The following KCNT2 variants were observed in gnomAD, a reference collection of about 807,000 sequenced individuals.
The protein encoded by KCNT2 is potassium sodium-activated channel subfamily T member 2, also known as potassium channel subfamily T member 2.
KCNT2 carries 67 observed loss-of-function variants against 153.8 expected under a neutral mutation model. That is an observed-to-expected ratio of 0.44 (90% CI 0.36 to 0.53). The LOEUF (loss-of-function observed/expected upper bound fraction) is 0.53, where lower values mean the gene tolerates loss of function less well. Among genes scored for constraint, KCNT2 ranks in the 20% least tolerant of loss-of-function variants. The probability of loss-of-function intolerance (pLI) is 0.00; values close to 1 mark genes in which losing one functional copy is unlikely to be tolerated. For synonymous variants in KCNT2, 500 were observed against 458.8 expected, an observed-to-expected ratio of 1.09 and a Z score of -1.15; for missense variants, 975 against 1,354.8, an observed-to-expected ratio of 0.72 and a Z score of 4.40.
At chr1:196,592,374 G>A (rs951861262) in intron 1 of KCNT2, among the ~76,000 whole-genome samples, 9 of 150,866 alleles carry the variant, frequency 6.0e-5, no homozygotes, top group Non-Finnish European at 1.0e-4. Context: ...GGGGGTGTTG[G>A]GAGAGGAGGT....
In KCNT2 at chr1:196,364,247, A is replaced by T. The variant is rs114976859; in HGVS notation, c.1403+8893T>A. ...ATGTGTGAACTCTACTGGTTTTCCA[A>T]ATTTTGTGTAAGTTTAAAATTGGTT... On this transcript the variant is annotated intron_variant, in intron 14 of 27. Transcript: ENST00000294725. Among the ~76,000 whole-genome samples, 644 of 152,260 alleles carry T rather than the reference A, an allele frequency of 4.2e-3. 5 individuals carry two copies. Among genetic ancestry groups the T allele is most frequent in the African/African-American group, 0.015 (624 of 41,568 alleles).
At chr1:196,513,133 C>T (rs915840629) in intron 1 of KCNT2, among the ~76,000 whole-genome samples, 1 of 152,154 alleles carries the variant, frequency 6.6e-6, no homozygotes, top group Non-Finnish European at 1.5e-5. Context: ...TTTTAAGTCA[C>T]AGTAAAGTTT....
chr1:196,388,703 A>G (rs1296882444), intron 13 of KCNT2, among the ~76,000 whole-genome samples: 1 of 151,730 alleles, frequency 6.6e-6, no homozygotes, highest in Non-Finnish European at 1.5e-5. Flanking sequence ...TTACAAGCAT[A>G]GAAAAATAAA....
At chr1:196,317,593 C>T (rs551407797) in intron 20 of KCNT2, among the ~76,000 whole-genome samples, 1 of 151,722 alleles carries the variant, frequency 6.6e-6, no homozygotes, top group South Asian at 2.1e-4. Context: ...ATTAATAAAA[C>T]ATCTCCATTA....
At chr1:196,465,248 T>A (rs1206195812) in intron 8 of KCNT2, 45 bp downstream of exon 8, 1 of 1,013,528 alleles carries the variant, frequency 9.9e-7, no homozygotes, top group Non-Finnish European at 1.5e-6. Flanking sequence ...TTAGAAATTA[T>A]AATTAAATGA....
At chr1:196,345,520 A>C (rs1666068266) in intron 14 of KCNT2, among the ~76,000 whole-genome samples, 1 of 152,170 alleles carries the variant, frequency 6.6e-6, no homozygotes, top group South Asian at 2.1e-4. Flanking sequence ...GACTTTATAA[A>C]TAACTGTACT....
chr1:196,363,141 C>A (rs1268496494), intron 14 of KCNT2, among the ~76,000 whole-genome samples: 1 of 152,004 alleles, frequency 6.6e-6, no homozygotes, highest in African/African-American at 2.4e-5. Flanking sequence ...AAGAGCTATG[C>A]CTTATCCCTT....
At chr1:196,451,027 C>A (rs1395668983) in intron 8 of KCNT2, among the ~76,000 whole-genome samples, 1 of 151,630 alleles carries the variant, frequency 6.6e-6, no homozygotes, top group Non-Finnish European at 1.5e-5. Flanking sequence ...GATTTATTTT[C>A]TCATTTTTTT....
At position 196,489,865 on chromosome 1, in the gene KCNT2, A is replaced by G; in HGVS notation, c.248T>C (p.Leu83Pro). ...TTCATTTCCTTGTGAAGGGTTTTCT[A>G]GTAGTACTCGGATTATGTATAATAA... is the stretch of plus-strand genomic sequence containing the variant. ...SCLLYIIRVL[L>P]ENPSQGNEWS... is the part of the protein sequence containing the mutation. The change falls in exon 3 of 28, where the codon CTA becomes CCA. Residue 83 changes from leucine (L) to proline (P), a missense_variant. Transcript: ENST00000294725. The G allele has an allele frequency of 6.3e-7, 1 of 1,585,020 alleles. No homozygotes were observed.
intron 1 of KCNT2, among the ~76,000 whole-genome samples, chr1:196,569,960 T>C (rs1336497478): frequency 2.0e-5 from 3 of 146,924 alleles, no homozygotes; most frequent in Non-Finnish European, 4.5e-5. Flanking sequence ...GGGGGAAATT[T>C]TCAACCAAGT....
chr1:196,563,866 A>G (rs1659752865), intron 1 of KCNT2, among the ~76,000 whole-genome samples: 2 of 151,968 alleles, frequency 1.3e-5, no homozygotes, highest in Admixed American at 6.6e-5. Flanking sequence ...CCTTAACACA[A>G]TAAAGGCCAT....
intron 19 of KCNT2, among the ~76,000 whole-genome samples, chr1:196,322,980 A>G (rs1017723135): frequency 6.6e-6 from 1 of 151,910 alleles, no homozygotes; most frequent in African/African-American, 2.4e-5. Context: ...TCTTCCTTTT[A>G]TGAATCAGAT....
intron 1 of KCNT2, among the ~76,000 whole-genome samples, chr1:196,534,374 T>G (rs528475751): frequency 6.6e-6 from 1 of 152,278 alleles, no homozygotes; most frequent in South Asian, 2.1e-4. Flanking sequence ...TACCTTAAAC[T>G]TGCTCATTTT....
chr1:196,326,887 A>C lies in KCNT2; in HGVS notation c.2106T>G (p.Ser702Arg), dbSNP rs555172269. The change falls in exon 19 of 28, where the codon AGT (serine) becomes AGG (arginine). Residue 702 changes from serine to arginine, a missense_variant and splice_region_variant. Physicochemically the swap from Ser to Arg is moderately radical, Grantham distance 110. Around this residue, in one of 6 missense-constraint regions of KCNT2, gnomAD observed 325 missense variants for 388.1 expected, o/e 0.84. Transcript: ENST00000294725. ...CATCCTCATAGTAGTTATGTTGGCA[A>C]CTCTAGAGAAGAGAAAGTATACATT... ...VPFCCLRLDK[S>R]CQHNYYEDAK... 28 of 1,543,792 alleles carry C rather than the reference A, an allele frequency of 1.8e-5. No homozygotes were observed. In the African/African-American group the frequency reaches 3.4e-4, roughly 19 times the overall value.
chr1:196,416,580 A>AGTTTTTCCAACT (rs1420028795), intron 12 of KCNT2, among the ~76,000 whole-genome samples: 1 of 152,018 alleles, frequency 6.6e-6, no homozygotes, highest in Non-Finnish European at 1.5e-5. Context: ...TTCACTAAAC[A>AGTTTTTCCAACT]GTTTTTCCAA....
chr1:196,237,912 G>A (rs1219604706), intron 26 of KCNT2, among the ~76,000 whole-genome samples: 2 of 151,712 alleles, frequency 1.3e-5, no homozygotes, highest in Non-Finnish European at 2.9e-5. Context: ...TTCTCCATAA[G>A]AAAAGAAATT....
At chr1:196,589,787 C>T (rs1663121394) in intron 1 of KCNT2, among the ~76,000 whole-genome samples, 1 of 150,352 alleles carries the variant, frequency 6.7e-6, no homozygotes, top group Admixed American at 6.8e-5. Context: ...GTCTATCATA[C>T]TCATCCCATT....
intron 22 of KCNT2, among the ~76,000 whole-genome samples, 198 bp from the exon 23 acceptor site, chr1:196,285,956 C>A (rs1490821351): frequency 6.6e-6 from 1 of 151,920 alleles, no homozygotes; most frequent in South Asian, 2.1e-4. Flanking sequence ...GTTAAAACAC[C>A]CAATAGTGAA....
At chr1:196,524,757 T>C (rs1653951636) in intron 1 of KCNT2, among the ~76,000 whole-genome samples, 1 of 152,322 alleles carries the variant, frequency 6.6e-6, no homozygotes, top group Middle Eastern at 3.4e-3. Context: ...ATTTGGGTTA[T>C]CTACCTATTG....
Sources: gnomAD v4.1 joint callset for allele counts (sites outside exome capture counted in the v4.1 genomes callset) on GRCh38, gnomAD v4.1.1 for gene constraint, gnomAD v4.1.1 regional missense constraint, MANE v1.5 for transcripts, NCBI Gene and HGNC (gene_info 2026-07-23, HGNC 2026-07-21) for gene names.